The following GATAD2B variants were observed in gnomAD, a reference collection of about 807,000 sequenced individuals.
GATAD2B encodes the protein transcriptional repressor p66-beta.
In GATAD2B, 8 loss-of-function variants were observed where a neutral mutation model predicts 64.3. That is an observed-to-expected ratio of 0.12 (90% CI 0.07 to 0.22). GATAD2B has a LOEUF of 0.22. Ranked by LOEUF, GATAD2B falls within the 10% of genes least tolerant of loss-of-function variation. The probability of loss-of-function intolerance (pLI) is 1.00; values close to 1 mark genes in which losing one functional copy is unlikely to be tolerated. For synonymous variants in GATAD2B, 281 were observed against 271.3 expected (o/e 1.04, Z -0.35); for missense variants, 453 against 752.0 (o/e 0.60, Z 4.65).
At position 153,864,553 on chromosome 1, in the gene GATAD2B, G is replaced by C. The variant is rs1209472696; in HGVS notation, c.-1-36205C>G. On this transcript the variant is annotated intron_variant, in intron 1 of 10. Transcript: ENST00000368655. The stretch of plus-strand genomic sequence containing the variant: ...GATCAATTAAACCTAGGAGGTCGAG[G>C]CTTCAGTGAGCTATGATTGTGCCAC... Among the ~76,000 whole-genome samples the C allele has an allele frequency of 2.6e-5, 4 of 152,250 alleles. No homozygotes were observed. In the East Asian group the frequency reaches 5.8e-4, roughly 22 times the overall value.
At position 153,828,127 on chromosome 1, in the gene GATAD2B, C is replaced by T. The variant is rs372049722; in HGVS notation, c.221G>A (p.Gly74Asp). The T allele has an allele frequency of 8.1e-6, 13 of 1,614,048 alleles. No individual in the cohort carries two copies. The highest frequency in any genetic ancestry group is 1.3e-5 in the African/African-American group (1 of 74,920). ...PTKQDGSGVK[G>D]YEEKLNGNLR... is the part of the protein sequence containing the mutation. ...ATTCCCGTTAAGTTTTTCTTCATAG[C>T]CCTTGACACCACTGCCATCCTGTTT... The change falls in exon 2 of 11, where the codon GGC becomes GAC. Residue 74 changes from glycine to aspartate, a missense_variant. By Grantham distance (94) the Gly-to-Asp change is moderately conservative. Coordinates refer to ENST00000368655, the MANE Select transcript of GATAD2B (RefSeq NM_020699.4).
chr1:153,866,590 C>T (rs1676483719), intron 1 of GATAD2B, among the ~76,000 whole-genome samples: 2 of 152,158 alleles, frequency 1.3e-5, no homozygotes, highest in South Asian at 4.1e-4. Flanking sequence ...CAATCAATCC[C>T]AGTAATTATT....
intron 1 of GATAD2B, among the ~76,000 whole-genome samples, chr1:153,900,154 A>G (rs538846201): frequency 6.6e-6 from 1 of 152,292 alleles, no homozygotes; most frequent in East Asian, 1.9e-4. Context: ...TGAGTGGCTC[A>G]TGCCTGTAAT....
chr1:153,841,142 GAAA>G (rs1180015821), intron 1 of GATAD2B, among the ~76,000 whole-genome samples: 1 of 134,888 alleles, frequency 7.4e-6, no homozygotes, highest in Non-Finnish European at 1.6e-5. Context: ...AAAAAAAAAA[GAAA>G]AAAAGAAAAA....
intron 1 of GATAD2B, among the ~76,000 whole-genome samples, chr1:153,902,844 T>A (rs1052388105): frequency 6.6e-6 from 1 of 152,226 alleles, no homozygotes; most frequent in East Asian, 1.9e-4. Context: ...TATGTTTATA[T>A]CTTTTACATA....
chr1:153,910,183 AT>A (rs2101967829), intron 1 of GATAD2B, among the ~76,000 whole-genome samples: 1 of 152,302 alleles, frequency 6.6e-6, no homozygotes, highest in African/African-American at 2.4e-5. Context: ...GCTTTCTAAA[AT>A]ACTGCCTAAA....
intron 1 of GATAD2B, chr1:153,853,080 GCA>G: frequency 6.6e-7 from 1 of 1,507,644 alleles, no homozygotes; most frequent in South Asian, 1.1e-5. Context: ...CCCAGTCACA[GCA>G]CCTTTGGCAT....
intron 1 of GATAD2B, among the ~76,000 whole-genome samples, chr1:153,835,936 T>C (rs899383237): frequency 1.3e-5 from 2 of 152,148 alleles, no homozygotes; most frequent in Non-Finnish European, 2.9e-5. Flanking sequence ...TTGACCAGGC[T>C]GGTCTCAAAC....
intron 1 of GATAD2B, among the ~76,000 whole-genome samples, chr1:153,851,411 G>A (rs1426978123): frequency 1.3e-5 from 2 of 152,082 alleles, no homozygotes. Context: ...CCCACCAACA[G>A]TGTGCAAGGG....
chr1:153,880,060 G>A (rs955717314), intron 1 of GATAD2B, among the ~76,000 whole-genome samples: 5 of 152,068 alleles, frequency 3.3e-5, no homozygotes, highest in East Asian at 1.9e-4. Context: ...GGGGAGTCTC[G>A]AATGAGTAGT....
Position 153,811,868 on chromosome 1 carries a change from G to C in GATAD2B, c.1531-20C>G, listed in dbSNP as rs778858637. 6.6e-7 allele frequency: 1 copy of C among 1,504,958 alleles called. No homozygotes were observed. The highest frequency in any genetic ancestry group is 1.4e-5 in the African/African-American group (1 of 72,376). The allele number at this position is 1,504,958 out of a possible 1,614,324, so 93.2% of individuals were successfully genotyped here. On this transcript the variant is annotated intron_variant, in intron 9 of 10. Coordinates refer to ENST00000368655, the MANE Select transcript of GATAD2B (RefSeq NM_020699.4). ...TGGAGCCTGCAATGATGAGGAGACA[G>C]TGGATACAACTTTGATATGATAGAA...
At chr1:153,870,940 T>A (rs1570976802) in intron 1 of GATAD2B, among the ~76,000 whole-genome samples, 2 of 152,150 alleles carry the variant, frequency 1.3e-5, no homozygotes, top group Admixed American at 1.3e-4. Context: ...CAAGACGGAG[T>A]CTTGCTCTGT....
At chr1:153,875,829 G>A (rs566250382) in intron 1 of GATAD2B, among the ~76,000 whole-genome samples, 33 of 152,116 alleles carry the variant, frequency 2.2e-4, no homozygotes, top group African/African-American at 7.2e-4. Flanking sequence ...TAGGCATTGC[G>A]CTAAAGTGCT....
chr1:153,912,571 G>T (rs1296066882), intron 1 of GATAD2B, among the ~76,000 whole-genome samples: 2 of 152,110 alleles, frequency 1.3e-5, no homozygotes, highest in South Asian at 4.1e-4. Context: ...ACCTGTCCAC[G>T]GCAGTAGCAA....
chr1:153,813,892 C>A (rs1235281135), intron 7 of GATAD2B, among the ~76,000 whole-genome samples: 10 of 152,312 alleles, frequency 6.6e-5, no homozygotes, highest in African/African-American at 2.4e-4. Context: ...GCAGGAGAAT[C>A]GCTTGAACCT....
chr1:153,868,669 T>C (rs1454497375), intron 1 of GATAD2B, among the ~76,000 whole-genome samples: 1 of 152,060 alleles, frequency 6.6e-6, no homozygotes, highest in Non-Finnish European at 1.5e-5. Flanking sequence ...GAAACAATAG[T>C]GTTTATTAAC....
chr1:153,815,101 A>AAC, intron 7 of GATAD2B, among the ~76,000 whole-genome samples: 1 of 144,124 alleles, frequency 6.9e-6, no homozygotes, highest in Non-Finnish European at 1.5e-5. Flanking sequence ...AAAAAAAAAA[A>AAC]AAAAAAAAAA....
intron 1 of GATAD2B, among the ~76,000 whole-genome samples, chr1:153,918,615 C>G (rs1469271311): frequency 6.6e-6 from 1 of 152,076 alleles, no homozygotes; most frequent in East Asian, 1.9e-4. Context: ...ATTTAAAGTA[C>G]GACTCTCAGC....
chr1:153,874,714 C>T (rs1365356768), intron 1 of GATAD2B, among the ~76,000 whole-genome samples: 1 of 151,796 alleles, frequency 6.6e-6, no homozygotes, highest in Non-Finnish European at 1.5e-5. Flanking sequence ...GTAGCTGGGA[C>T]TACAGGTGCA....
Sources: allele counts gnomAD v4.1 joint callset (sites outside exome capture counted in the v4.1 genomes callset), GRCh38; gene constraint gnomAD v4.1.1; transcripts MANE v1.5; gene names NCBI Gene and HGNC (gene_info 2026-07-23, HGNC 2026-07-21).